The following NUTM2B variants were observed in gnomAD, a reference collection of about 807,000 sequenced individuals.
NUTM2B encodes the protein family with sequence similarity 22, member B.
In NUTM2B, 2 loss-of-function variants were observed where a neutral mutation model predicts 42.4. That is an observed-to-expected ratio of 0.05 (90% CI 0.02 to 0.15). NUTM2B has a LOEUF of 0.15. Among genes scored for constraint, NUTM2B ranks in the 10% least tolerant of loss-of-function variants. The pLI, the probability that NUTM2B is intolerant of heterozygous loss-of-function variation, is 1.00. For missense variants in NUTM2B, 58 were observed against 952.6 expected (o/e 0.06, Z 12.36); for synonymous variants, 18 against 402.4 (o/e 0.04, Z 11.43).
the NUTM2B span, among the ~76,000 whole-genome samples, chr10:79,694,794 C>T: frequency 6.6e-6 from 1 of 151,154 alleles, no homozygotes. Flanking sequence ...AGTGGGAGGT[C>T]GCCCTAACAG....
chr10:79,699,018 T>C (rs574457450), upstream of NUTM2B, among the ~76,000 whole-genome samples: 12 of 152,264 alleles, frequency 7.9e-5, no homozygotes, highest in South Asian at 1.2e-3. Context: ...ACCTCATAAC[T>C]GCACACGTTC....
chr10:79,698,652 ACT>A (rs1264718728), upstream of NUTM2B, among the ~76,000 whole-genome samples: 1 of 121,416 alleles, frequency 8.2e-6, no homozygotes, highest in Non-Finnish European at 1.7e-5. Context: ...CAACTCTCCC[ACT>A]CTCCTGTATA....
intron 2 of NUTM2B, among the ~76,000 whole-genome samples, chr10:79,707,184 C>A (rs553352768): frequency 7.5e-6 from 1 of 132,928 alleles, no homozygotes; most frequent in Non-Finnish European, 1.6e-5. Context: ...CCTGCAGTTC[C>A]GCTGAGGTCC....
chr10:79,699,510 T>G (rs1840275207), upstream of NUTM2B, among the ~76,000 whole-genome samples: 3 of 152,388 alleles, frequency 2.0e-5, no homozygotes, highest in South Asian at 2.1e-4. Context: ...TGGCACGATC[T>G]GGGCTCATTG....
intron 3 of NUTM2B, among the ~76,000 whole-genome samples, chr10:79,709,313 C>T (rs1042329173): frequency 7.4e-6 from 1 of 135,300 alleles, no homozygotes; most frequent in African/African-American, 2.8e-5. Context: ...CAGTCCCCTC[C>T]ATGAAGGCAG....
upstream of NUTM2B, among the ~76,000 whole-genome samples, chr10:79,700,720 G>T (rs370705511): frequency 6.6e-6 from 1 of 152,172 alleles, no homozygotes; most frequent in Non-Finnish European, 1.5e-5. Flanking sequence ...CGTGCTGCGC[G>T]TCTCCCTGCC....
chr10:79,695,060 G>A, the NUTM2B span, among the ~76,000 whole-genome samples: 2 of 152,168 alleles, frequency 1.3e-5, no homozygotes, highest in Admixed American at 1.3e-4. Context: ...CTGAGCCCGT[G>A]TAAACTCAGG....
chr10:79,700,406 C>T (rs1374351408), upstream of NUTM2B, among the ~76,000 whole-genome samples: 1 of 152,276 alleles, frequency 6.6e-6, no homozygotes, highest in African/African-American at 2.4e-5. Context: ...CCGAGACACA[C>T]TTTGAGGTTC....
At chr10:79,693,101 C>T in the NUTM2B span, among the ~76,000 whole-genome samples, 3 of 152,220 alleles carry the variant, frequency 2.0e-5, no homozygotes, top group African/African-American at 7.2e-5. Context: ...CGACCCCCAG[C>T]TCTCCCTGCT....
the NUTM2B span, among the ~76,000 whole-genome samples, chr10:79,694,858 C>G: frequency 6.6e-6 from 1 of 152,122 alleles, no homozygotes; most frequent in Non-Finnish European, 1.5e-5. Context: ...TGCCTCCTCT[C>G]CTTGACTCTA....
intron 3 of NUTM2B, among the ~76,000 whole-genome samples, chr10:79,709,433 G>A (rs1840449170): frequency 7.5e-6 from 1 of 133,268 alleles, no homozygotes; most frequent in East Asian, 2.5e-4. Flanking sequence ...TATCTTTCAG[G>A]GGCCCACAGT....
chr10:79,700,580 G>T (rs1175383509), upstream of NUTM2B, among the ~76,000 whole-genome samples: 2 of 152,112 alleles, frequency 1.3e-5, no homozygotes, highest in Non-Finnish European at 2.9e-5. Context: ...TCGCCCCGTG[G>T]ACACTGGTGA....
At chr10:79,705,338 G>A (rs1840368303) in intron 1 of NUTM2B, among the ~76,000 whole-genome samples, 1 of 150,406 alleles carries the variant, frequency 6.6e-6, no homozygotes. Flanking sequence ...CCTGGGAACA[G>A]AGCTTCCTGA....
upstream of NUTM2B, among the ~76,000 whole-genome samples, chr10:79,700,836 G>T (rs1373326872): frequency 6.6e-6 from 1 of 152,198 alleles, no homozygotes; most frequent in Non-Finnish European, 1.5e-5. Context: ...CAGGCCAGGA[G>T]CCCGCCCTAG....
At chr10:79,707,179 A>G (rs1198602768) in intron 2 of NUTM2B, among the ~76,000 whole-genome samples, 1 of 132,904 alleles carries the variant, frequency 7.5e-6, no homozygotes, top group East Asian at 2.5e-4. Flanking sequence ...ACATGCCTGC[A>G]GTTCCGCTGA....
At chr10:79,693,900 T>G in the NUTM2B span, among the ~76,000 whole-genome samples, 1 of 152,110 alleles carries the variant, frequency 6.6e-6, no homozygotes, top group East Asian at 1.9e-4. Flanking sequence ...CACATTTTAT[T>G]GGCAAGAGGA....
chr10:79,693,546 C>T, the NUTM2B span, among the ~76,000 whole-genome samples: 3 of 152,140 alleles, frequency 2.0e-5, no homozygotes, highest in Non-Finnish European at 2.9e-5. Context: ...CCGACCTCAG[C>T]GATTCTAGCA....
chr10:79,696,157 C>G, the NUTM2B span, among the ~76,000 whole-genome samples: 1 of 147,826 alleles, frequency 6.8e-6, no homozygotes, highest in Admixed American at 6.7e-5. Context: ...CACCGCCCCC[C>G]ACCCCAGTGG....
upstream of NUTM2B, among the ~76,000 whole-genome samples, chr10:79,698,929 C>T (rs2132233295): frequency 6.6e-6 from 1 of 152,294 alleles, no homozygotes; most frequent in South Asian, 2.1e-4. Flanking sequence ...ACAATACCTG[C>T]ACATATGTAA....
Sources: allele counts gnomAD v4.1 joint callset (sites outside exome capture counted in the v4.1 genomes callset), GRCh38; gene constraint gnomAD v4.1.1; transcripts MANE v1.5; gene names NCBI Gene and HGNC (gene_info 2026-07-23, HGNC 2026-07-21).